MUC7: variants seen among roughly 807,000 people sequenced by gnomAD.
MUC7 encodes the protein mucin-7.
In MUC7, 2 loss-of-function variants were observed where a neutral mutation model predicts 2.5. The ratio of observed to expected loss-of-function variants is 0.81; its 90% CI spans 0.33 to 2.55. The LOEUF (loss-of-function observed/expected upper bound fraction) is 2.55, where lower values mean the gene tolerates loss of function less well. Ranked by LOEUF, MUC7 falls within the 30% of genes most tolerant of loss-of-function variation. The pLI is 0.11. For missense variants in MUC7, 408 were observed against 455.6 expected (o/e 0.90, Z 0.95); for synonymous variants, 133 against 173.4 (o/e 0.77, Z 1.83).
At chr4:70,459,009 T>G (rs1734479995) in intron 1 of MUC7, among the ~76,000 whole-genome samples, 2 of 152,138 alleles carry the variant, frequency 1.3e-5, no homozygotes, top group South Asian at 4.1e-4. Flanking sequence ...TATATGTACT[T>G]AACTTTATAA....
intron 1 of MUC7, among the ~76,000 whole-genome samples, chr4:70,466,945 A>G (rs904039842): frequency 7.9e-5 from 12 of 152,248 alleles, no homozygotes; most frequent in Non-Finnish European, 1.3e-4. Flanking sequence ...CCCAAAATCA[A>G]CAGAATATAC....
At chr4:70,447,924 G>A (rs111793534) in intron 1 of MUC7, among the ~76,000 whole-genome samples, 219 of 151,982 alleles carry the variant, frequency 1.4e-3, no homozygotes, top group African/African-American at 4.9e-3. Flanking sequence ...CCATCCACAC[G>A]TGCCCCCAAC....
At chr4:70,441,145 A>G (rs1400968537) in intron 1 of MUC7, among the ~76,000 whole-genome samples, 1 of 152,162 alleles carries the variant, frequency 6.6e-6, no homozygotes, top group Non-Finnish European at 1.5e-5. Context: ...AATTGAGTAG[A>G]GAAGCAGACA....
intron 2 of MUC7, among the ~76,000 whole-genome samples, chr4:70,478,822 T>G (rs1426258668): frequency 7.2e-6 from 1 of 137,948 alleles, no homozygotes; most frequent in Non-Finnish European, 1.7e-5. Flanking sequence ...ACTACCCCTG[T>G]AATGGAAAGG....
upstream of MUC7, among the ~76,000 whole-genome samples, chr4:70,468,058 C>T (rs1734725736): frequency 6.6e-6 from 1 of 152,084 alleles, no homozygotes; most frequent in Admixed American, 6.5e-5. Context: ...GCTTATCTAC[C>T]AAGATCAAGC....
In MUC7 at chr4:70,482,372, TATTG is replaced by T. The variant is rs1735225552; in HGVS notation, c.*498_*501del. ...AAATATATTGATAGACCTGTCATTG[TATTG>T]ATTAATGACAAAACCCTTTAGATAA... On this transcript the variant is annotated 3_prime_UTR_variant, in exon 3 of 3. Transcript: ENST00000304887. 6.5e-6 allele frequency: 1 copy of T among 153,808 alleles called. No individual in the cohort carries two copies. The highest frequency in any genetic ancestry group is 2.4e-5 in the African/African-American group (1 of 41,586). The allele number at this position is 153,808 out of a possible 1,614,324, so 9.5% of individuals were successfully genotyped here.
rs968319176 is a variant in MUC7 at position 70,472,232 on chromosome 4, T to C, written c.-75T>C. ...GCTTCTAGTTACCATCCTCAAAGGATTGGCTAAAAGCAAGCAACTGGATTG... is the reference window on the plus strand; with the variant it reads ...GCTTCTAGTTACCATCCTCAAAGGACTGGCTAAAAGCAAGCAACTGGATTG... On this transcript the variant is annotated 5_prime_UTR_variant, in exon 1 of 3. Transcript: ENST00000304887. The C allele has an allele frequency of 3.9e-5, 6 of 152,206 alleles. No homozygotes were observed. Among genetic ancestry groups the C allele is most frequent in the African/African-American group, 9.6e-5 (4 of 41,456 alleles). 9.4% of individuals were successfully genotyped at this position (152,206 alleles called of 1,614,324 possible). A position where few individuals can be genotyped will look rare whatever the true frequency, so the allele number is the denominator to read the frequency against.
intron 1 of MUC7, among the ~76,000 whole-genome samples, chr4:70,463,819 G>A (rs1430724402): frequency 6.6e-6 from 1 of 152,218 alleles, no homozygotes; most frequent in African/African-American, 2.4e-5. Flanking sequence ...GAATTAGACT[G>A]TGTCCTCGCC....
chr4:70,445,947 T>C (rs1734123817), intron 1 of MUC7, among the ~76,000 whole-genome samples: 1 of 152,198 alleles, frequency 6.6e-6, no homozygotes, highest in African/African-American at 2.4e-5. Flanking sequence ...TCTCTCTGTA[T>C]GTTCAAATGA....
chr4:70,451,962 A>G (rs988690842), intron 1 of MUC7, among the ~76,000 whole-genome samples: 1 of 152,152 alleles, frequency 6.6e-6, no homozygotes, highest in Non-Finnish European at 1.5e-5. Flanking sequence ...GTACATGTAT[A>G]TTTACAATTG....
chr4:70,457,757 TGA>T (rs1436388228), intron 1 of MUC7, among the ~76,000 whole-genome samples: 1 of 152,018 alleles, frequency 6.6e-6, no homozygotes, highest in Non-Finnish European at 1.5e-5. Flanking sequence ...AATGTGTGTG[TGA>T]GAGAGAGATA....
intron 2 of MUC7, among the ~76,000 whole-genome samples, chr4:70,477,575 G>A (rs1328495141): frequency 6.6e-6 from 1 of 151,942 alleles, no homozygotes; most frequent in African/African-American, 2.4e-5. Flanking sequence ...CAAGTGCCAT[G>A]TGTCTCTCCT....
chr4:70,451,034 C>T (rs2109715058), intron 1 of MUC7, among the ~76,000 whole-genome samples: 1 of 152,260 alleles, frequency 6.6e-6, no homozygotes, highest in East Asian at 1.9e-4. Context: ...GAGTTGCAGC[C>T]TTTATGGCCT....
intron 1 of MUC7, among the ~76,000 whole-genome samples, chr4:70,459,033 A>T (rs1320312059): frequency 6.6e-6 from 1 of 152,198 alleles, no homozygotes; most frequent in East Asian, 1.9e-4. Context: ...TTGAAATATA[A>T]AGCAGTATTA....
intron 1 of MUC7, among the ~76,000 whole-genome samples, chr4:70,459,441 G>C (rs1415980877): frequency 1.3e-5 from 2 of 152,136 alleles, no homozygotes; most frequent in Non-Finnish European, 2.9e-5. Flanking sequence ...GGGGTTGGGG[G>C]AGCGAGGAGG....
At position 70,447,923 on chromosome 4, in the gene MUC7, C is replaced by T. The variant is rs150156122; in HGVS notation, c.-93+17236C>T. On this transcript the variant is annotated intron_variant, in intron 1 of 3. Transcript: ENST00000413702. ...GTTTTATACCCACTAACCATCCACA[C>T]GTGCCCCCAACTCCCCATTACCTTC... 1.1e-4 allele frequency among the ~76,000 whole-genome samples: 17 copies of T among 152,242 alleles called. No homozygotes were observed. The East Asian group carries it at 3.3e-3, about 29-fold the overall frequency.
chr4:70,455,255 C>T (rs1424600585), intron 1 of MUC7, among the ~76,000 whole-genome samples: 3 of 152,078 alleles, frequency 2.0e-5, no homozygotes, highest in African/African-American at 4.8e-5. Context: ...GGTATTACAC[C>T]GGCCCCTGGG....
chr4:70,458,957 T>A (rs1432794654), intron 1 of MUC7, among the ~76,000 whole-genome samples: 2 of 152,146 alleles, frequency 1.3e-5, no homozygotes, highest in Non-Finnish European at 2.9e-5. Context: ...GTTCGACTGA[T>A]AAAAGTTATA....
At chr4:70,467,203 G>A (rs1158940296), upstream of MUC7, among the ~76,000 whole-genome samples, 1 of 152,184 alleles carries the variant, frequency 6.6e-6, no homozygotes, top group Non-Finnish European at 1.5e-5. Flanking sequence ...TAAGTTATTT[G>A]AAACACATGA....
Sources: gnomAD v4.1 joint callset for allele counts (sites outside exome capture counted in the v4.1 genomes callset) on GRCh38, gnomAD v4.1.1 for gene constraint, MANE v1.5 for transcripts, NCBI Gene and HGNC (gene_info 2026-07-23, HGNC 2026-07-21) for gene names.